MEIKIN: variants seen among roughly 807,000 people sequenced by gnomAD.
MEIKIN encodes the protein meiotic kinetochore factor.
At chr5:131,888,659 T>C (rs1319167651) in intron 8 of MEIKIN, among the ~76,000 whole-genome samples, 2 of 152,212 alleles carry the variant, frequency 1.3e-5, no homozygotes, top group South Asian at 2.1e-4. Context: ...ATTCTGTAGG[T>C]TGCCTGGTCA....
chr5:131,853,892 G>A (rs781564903), intron 10 of MEIKIN, among the ~76,000 whole-genome samples: 2 of 152,170 alleles, frequency 1.3e-5, no homozygotes, highest in Admixed American at 1.3e-4. Flanking sequence ...CATTTTGCTA[G>A]TGGGAATGTA....
At chr5:131,916,067 C>T (rs1751411734) in intron 7 of MEIKIN, among the ~76,000 whole-genome samples, 1 of 152,130 alleles carries the variant, frequency 6.6e-6, no homozygotes, top group Non-Finnish European at 1.5e-5. Flanking sequence ...GAATGTGCTA[C>T]TTAAATAAAG....
intron 9 of MEIKIN, among the ~76,000 whole-genome samples, chr5:131,859,165 G>A (rs1036780639): frequency 1.3e-5 from 2 of 152,164 alleles, no homozygotes; most frequent in African/African-American, 4.8e-5. Context: ...CAAAGACATG[G>A]AATCAATCTA....
rs375765946 is a variant in MEIKIN at position 131,821,630 on chromosome 5, C to CTTTTT, written c.976-2772_976-2768dup. On this transcript the variant is annotated intron_variant, in intron 11 of 12. Coordinates refer to ENST00000442687, the MANE Select transcript of MEIKIN (RefSeq NM_001303622.2). Reference sequence around the variant, plus strand: ...TAGCTATTGTTATATTGAGGTCTGCCTTTTTTTTTTTTTTTTTTTTTTTTT... The same window carrying CTTTTT: ...TAGCTATTGTTATATTGAGGTCTGCCTTTTTTTTTTTTTTTTTTTTTTTTTTTTTT... 5.2e-4 allele frequency among the ~76,000 whole-genome samples: 26 copies of CTTTTT among 50,444 alleles called. 7 individuals are homozygous for CTTTTT. Among genetic ancestry groups the CTTTTT allele is most frequent in the African/African-American group, 3.0e-3 (25 of 8,282 alleles). 33.1% of individuals were successfully genotyped at this position (50,444 alleles called of 152,430 possible). A position where few individuals can be genotyped will look rare whatever the true frequency, so the allele number is the denominator to read the frequency against.
At chr5:131,809,495 G>C (rs767697043) in intron 12 of MEIKIN, among the ~76,000 whole-genome samples, 1 of 152,106 alleles carries the variant, frequency 6.6e-6, no homozygotes, top group Non-Finnish European at 1.5e-5. Flanking sequence ...CATATTTTAG[G>C]CTTTTTGCAA....
At chr5:131,823,706 C>T (rs1484934797) in intron 11 of MEIKIN, among the ~76,000 whole-genome samples, 2 of 152,214 alleles carry the variant, frequency 1.3e-5, no homozygotes, top group East Asian at 3.9e-4. Flanking sequence ...TTATTTAGAT[C>T]TGGTGGGGTC....
At chr5:131,845,058 C>T (rs1749988308) in intron 11 of MEIKIN, among the ~76,000 whole-genome samples, 1 of 152,012 alleles carries the variant, frequency 6.6e-6, no homozygotes, top group East Asian at 1.9e-4. Context: ...ATCATGAGGT[C>T]AGGAGATCGA....
intron 3 of MEIKIN, 110 bp from the exon 4 acceptor site, chr5:131,942,805 T>C (rs767973459): frequency 1.5e-4 from 56 of 383,878 alleles, no homozygotes; most frequent in Admixed American, 4.0e-4. Context: ...ACTTTTTATA[T>C]GTTTCATATA....
At chr5:131,897,785 C>G (rs140756034) in intron 8 of MEIKIN, among the ~76,000 whole-genome samples, 3 of 152,150 alleles carry the variant, frequency 2.0e-5, no homozygotes, top group Non-Finnish European at 4.4e-5. Context: ...GTTAGCCATT[C>G]GTCTAACCTT....
chr5:131,820,131 G>A (rs1450505195), intron 11 of MEIKIN, among the ~76,000 whole-genome samples: 2 of 142,484 alleles, frequency 1.4e-5, no homozygotes, highest in African/African-American at 2.7e-5. Context: ...GAGTACAGTC[G>A]TGTGTTCTCA....
intron 9 of MEIKIN, among the ~76,000 whole-genome samples, chr5:131,859,556 C>T (rs1750248329): frequency 6.6e-6 from 1 of 152,148 alleles, no homozygotes; most frequent in Admixed American, 6.6e-5. Context: ...ATATGAAGTG[C>T]CTGTTCCTGC....
chr5:131,888,461 T>C (rs1750842340), intron 8 of MEIKIN, among the ~76,000 whole-genome samples: 1 of 152,248 alleles, frequency 6.6e-6, no homozygotes. Flanking sequence ...TGATGGCCAG[T>C]GATGATGAGC....
At chr5:131,922,517 T>C (rs1751521913) in intron 5 of MEIKIN, among the ~76,000 whole-genome samples, 1 of 152,058 alleles carries the variant, frequency 6.6e-6, no homozygotes, top group Non-Finnish European at 1.5e-5. Flanking sequence ...TACATGCAAA[T>C]ACCATGCCAT....
intron 9 of MEIKIN, among the ~76,000 whole-genome samples, chr5:131,873,986 T>C (rs1255169624): frequency 6.6e-6 from 1 of 152,150 alleles, no homozygotes; most frequent in African/African-American, 2.4e-5. Context: ...CTGGGACATA[T>C]TCAAAGCAGT....
chr5:131,927,868 G>A (rs1052388214), intron 5 of MEIKIN, among the ~76,000 whole-genome samples: 15 of 152,084 alleles, frequency 9.9e-5, no homozygotes, highest in South Asian at 2.1e-4. Context: ...AGGATCGGCC[G>A]GGCGCGGTGG....
intron 9 of MEIKIN, among the ~76,000 whole-genome samples, chr5:131,864,677 C>G (rs963677768): frequency 3.3e-5 from 5 of 152,176 alleles, no homozygotes. Context: ...GACAGTTTGA[C>G]TACAATATGC....
intron 10 of MEIKIN, among the ~76,000 whole-genome samples, chr5:131,852,109 G>C (rs1246263838): frequency 6.6e-6 from 1 of 152,140 alleles, no homozygotes; most frequent in Non-Finnish European, 1.5e-5. Flanking sequence ...TAATTCAGTT[G>C]ATTTGGTTTG....
At chr5:131,892,445 C>G (rs546090396) in intron 8 of MEIKIN, among the ~76,000 whole-genome samples, 1 of 152,190 alleles carries the variant, frequency 6.6e-6, no homozygotes, top group Non-Finnish European at 1.5e-5. Context: ...AAATTCTCTT[C>G]TCACTTCATT....
Position 131,879,050 on chromosome 5 carries a change from T to G in MEIKIN, c.704-2A>C. 2 of 398,608 alleles carry G rather than the reference T, an allele frequency of 5.0e-6. No homozygotes were observed. Among genetic ancestry groups the G allele is most frequent in the Non-Finnish European group, 8.9e-6 (2 of 225,852 alleles). 24.7% of individuals were successfully genotyped at this position (398,608 alleles called of 1,614,324 possible). ...GTAAAATCTCACAAGCTGCATTATC[T>G]ATAAATAAAAACATAGTTCAGTATT... On this transcript the variant is annotated splice_acceptor_variant, in intron 8 of 12. Transcript: ENST00000442687. LOFTEE classifies it high-confidence loss of function.
Sources: gnomAD v4.1 joint callset for allele counts (sites outside exome capture counted in the v4.1 genomes callset) on GRCh38, gnomAD v4.1.1 for gene constraint, MANE v1.5 for transcripts, NCBI Gene and HGNC (gene_info 2026-07-23, HGNC 2026-07-21) for gene names.